The following DYNC1I1 variants were observed in gnomAD, a reference collection of about 807,000 sequenced individuals.
DYNC1I1 encodes cytoplasmic dynein 1 intermediate chain 1.
Under a neutral mutation model 86.6 loss-of-function variants are expected in DYNC1I1, and 43 were observed. The observed-to-expected ratio is 0.50, with a 90% CI of 0.39 to 0.64. The LOEUF (loss-of-function observed/expected upper bound fraction) is 0.64. Ranked by LOEUF, DYNC1I1 falls within the 30% of genes least tolerant of loss-of-function variation. The pLI is 0.00. For synonymous variants in DYNC1I1, 262 were observed against 283.7 expected (o/e 0.92, Z 0.77); for missense variants, 604 against 788.8 (o/e 0.77, Z 2.81).
chr7:95,874,305 C>T (rs1038403146), intron 6 of DYNC1I1, among the ~76,000 whole-genome samples: 2 of 152,164 alleles, frequency 1.3e-5, no homozygotes, highest in Non-Finnish European at 2.9e-5. Flanking sequence ...CAGCTTCCCA[C>T]GTGACTATCT....
intron 10 of DYNC1I1, among the ~76,000 whole-genome samples, chr7:95,999,064 G>A (rs1793945287): frequency 1.3e-5 from 2 of 152,242 alleles, no homozygotes; most frequent in Non-Finnish European, 2.9e-5. Context: ...AATAAAAGCT[G>A]TCTGTACTTG....
chr7:95,986,023 C>CGTGTGTGTGTGTGTGTGTGT lies in DYNC1I1; in HGVS notation c.744-1012_744-993dup, dbSNP rs3138829. Among the ~76,000 whole-genome samples the CGTGTGTGTGTGTGTGTGTGT allele has an allele frequency of 4.8e-3, 631 of 132,726 alleles. 14 individuals carry two copies. Among genetic ancestry groups the CGTGTGTGTGTGTGTGTGTGT allele is most frequent in the African/African-American group, 0.014 (481 of 34,514 alleles). The allele number at this position is 132,726 out of a possible 152,430, so 87.1% of individuals were successfully genotyped here. On this transcript the variant is annotated intron_variant, in intron 8 of 16. Coordinates refer to ENST00000447467, the MANE Select transcript of DYNC1I1 (RefSeq NM_001135556.2). ...GTATTATCCTAGGCTCCTGGCAGGA[C>CGTGTGTGTGTGTGTGTGTGT]GTGTGTGTGTGTGTGTGTGTGTGTG...
intron 8 of DYNC1I1, among the ~76,000 whole-genome samples, chr7:95,985,994 C>T (rs1485528857): frequency 6.8e-6 from 1 of 147,916 alleles, no homozygotes; most frequent in Non-Finnish European, 1.5e-5. Context: ...GTGTGCCTGG[C>T]TCAGTATTAT....
intron 14 of DYNC1I1, among the ~76,000 whole-genome samples, chr7:96,065,374 C>CTTTTT (rs759672255): frequency 7.3e-6 from 1 of 137,342 alleles, no homozygotes; most frequent in African/African-American, 2.8e-5. Flanking sequence ...TTTTTTCTTT[C>CTTTTT]TTTCTTTTTT....
intron 1 of DYNC1I1, among the ~76,000 whole-genome samples, chr7:95,780,732 C>A (rs1191468032): frequency 1.3e-5 from 2 of 152,150 alleles, no homozygotes; most frequent in East Asian, 3.8e-4. Flanking sequence ...ATGTGGAAGT[C>A]TTTAAATGTT....
At chr7:95,841,145 C>A (rs551097329) in intron 5 of DYNC1I1, among the ~76,000 whole-genome samples, 1 of 152,182 alleles carries the variant, frequency 6.6e-6, no homozygotes, top group East Asian at 1.9e-4. Context: ...AAGCTAGAGG[C>A]CAGTCCCTCT....
chr7:95,922,011 A>G (rs544989204), intron 6 of DYNC1I1, among the ~76,000 whole-genome samples: 1 of 152,292 alleles, frequency 6.6e-6, no homozygotes, highest in South Asian at 2.1e-4. Flanking sequence ...GAATTTTCCC[A>G]TGTTTAATCA....
chr7:95,918,465 G>T (rs1791526141), intron 6 of DYNC1I1, among the ~76,000 whole-genome samples: 1 of 152,150 alleles, frequency 6.6e-6, no homozygotes, highest in Admixed American at 6.5e-5. Flanking sequence ...CCTGGCGGTG[G>T]CAAAACAGCT....
chr7:96,103,366 C>A (rs1791165097), downstream of DYNC1I1, among the ~76,000 whole-genome samples: 1 of 152,124 alleles, frequency 6.6e-6, no homozygotes, highest in South Asian at 2.1e-4. Context: ...GAAGAGATGG[C>A]CAGAAGTAAG....
At chr7:95,793,737 C>T (rs1164631299) in intron 1 of DYNC1I1, among the ~76,000 whole-genome samples, 2 of 152,188 alleles carry the variant, frequency 1.3e-5, no homozygotes, top group Non-Finnish European at 2.9e-5. Context: ...TGGTCCCAGC[C>T]TGCTGTGAAG....
chr7:95,889,223 G>C (rs1790675104), intron 6 of DYNC1I1, among the ~76,000 whole-genome samples: 1 of 152,056 alleles, frequency 6.6e-6, no homozygotes, highest in African/African-American at 2.4e-5. Context: ...TATAAAAAAG[G>C]GTTGGCATTA....
chr7:95,898,239 G>A (rs1790939390), intron 6 of DYNC1I1, among the ~76,000 whole-genome samples: 1 of 152,164 alleles, frequency 6.6e-6, no homozygotes, highest in Non-Finnish European at 1.5e-5. Context: ...ATCAAACTTG[G>A]CCACCTGCTG....
At chr7:95,868,831 G>A (rs1380704432) in intron 5 of DYNC1I1, among the ~76,000 whole-genome samples, 1 of 152,146 alleles carries the variant, frequency 6.6e-6, no homozygotes, top group Non-Finnish European at 1.5e-5. Context: ...GAGGCACAGA[G>A]AGATTAGTGA....
chr7:95,827,085 G>A (rs2115919860), intron 4 of DYNC1I1, among the ~76,000 whole-genome samples: 1 of 152,276 alleles, frequency 6.6e-6, no homozygotes, highest in Admixed American at 6.5e-5. Flanking sequence ...CCCAAGAGAT[G>A]TTGATGCTAC....
chr7:95,972,810 T>C (rs1005841748), intron 6 of DYNC1I1, among the ~76,000 whole-genome samples: 1 of 152,194 alleles, frequency 6.6e-6, no homozygotes, highest in African/African-American at 2.4e-5. Context: ...CTGTGATTGC[T>C]GCATAATATG....
intron 16 of DYNC1I1, among the ~76,000 whole-genome samples, chr7:96,094,716 C>T (rs1790952186): frequency 6.6e-6 from 1 of 152,146 alleles, no homozygotes. Flanking sequence ...CTGCAGTTCA[C>T]CTTCTAAATC....
chr7:95,959,799 A>G lies in DYNC1I1; in HGVS notation c.491-17713A>G, dbSNP rs577143053. Among the ~76,000 whole-genome samples, 8 of 152,312 alleles carry G rather than the reference A, an allele frequency of 5.3e-5. No homozygotes were observed. In the South Asian group the frequency reaches 1.4e-3, roughly 28 times the overall value. On this transcript the variant is annotated intron_variant, in intron 6 of 16. Transcript: ENST00000447467. ...ACTCATATATTATTATAAGAATTCA[A>G]TGAGAGAATCATTGAGAAGAACAAT...
rs1473356990 is a variant in DYNC1I1, at chr7:95,772,687, C to T, written c.-96C>T. On this transcript the variant is annotated 5_prime_UTR_variant, in exon 1 of 17. Transcript: ENST00000447467. ...CTGCCCGCGCCGGCCCCGCCACCTT[C>T]GGGAGCCGCCTGCACCAACGCTGCC... The T allele has an allele frequency of 6.6e-6, 1 of 152,602 alleles. No individual in the cohort carries two copies. The highest frequency in any genetic ancestry group is 1.5e-5 in the Non-Finnish European group (1 of 68,128). The allele number at this position is 152,602 out of a possible 1,614,324, so 9.5% of individuals were successfully genotyped here. A position where few individuals can be genotyped will look rare whatever the true frequency, so the allele number is the denominator to read the frequency against.
intron 10 of DYNC1I1, among the ~76,000 whole-genome samples, chr7:96,002,229 T>C (rs902285209): frequency 6.6e-6 from 1 of 152,202 alleles, no homozygotes; most frequent in Admixed American, 6.5e-5. Flanking sequence ...TTATTTCTAT[T>C]GCCTAGGCCC....
Sources: gnomAD v4.1 joint callset for allele counts (sites outside exome capture counted in the v4.1 genomes callset) on GRCh38, gnomAD v4.1.1 for gene constraint, MANE v1.5 for transcripts, NCBI Gene and HGNC (gene_info 2026-07-23, HGNC 2026-07-21) for gene names.